NCEH1: variants seen among roughly 807,000 people sequenced by gnomAD.
NCEH1 encodes the protein 2-acetyl MAGE hydrolase.
Under a neutral mutation model 25.4 loss-of-function variants are expected in NCEH1, and 9 were observed. The ratio of observed to expected loss-of-function variants is 0.35; its 90% CI spans 0.21 to 0.62. NCEH1 has a LOEUF of 0.62. NCEH1 is among the 20% of genes least tolerant of loss of function. The pLI, the probability that NCEH1 is intolerant of heterozygous loss-of-function variation, is 0.72. For missense variants in NCEH1, 412 were observed against 501.1 expected (o/e 0.82, Z 1.70); for synonymous variants, 200 against 199.8 (o/e 1.00, Z -0.01).
rs578247286 is a variant in NCEH1 at position 172,665,742 on chromosome 3, G to C, written c.139-17628C>G. 2.6e-5 allele frequency among the ~76,000 whole-genome samples: 4 copies of C among 152,330 alleles called. No individual in the cohort carries two copies. The South Asian group carries it at 8.3e-4, about 32-fold the overall frequency. On this transcript the variant is annotated intron_variant, in intron 1 of 4. Transcript: ENST00000475381. ...CTGCCTCGCAGTTTGATCTTGGACT[G>C]CTGTGCTAGCAGTGAGCAAGGCTCC... is the stretch of plus-strand genomic sequence containing the variant.
At chr3:172,674,649 T>C (rs895661356) in intron 1 of NCEH1, among the ~76,000 whole-genome samples, 2 of 152,104 alleles carry the variant, frequency 1.3e-5, no homozygotes, top group African/African-American at 4.8e-5. Flanking sequence ...CAGAGGGAAA[T>C]GTTATATCTT....
chr3:172,672,533 A>G (rs934102306), intron 1 of NCEH1, among the ~76,000 whole-genome samples: 8 of 152,138 alleles, frequency 5.3e-5, no homozygotes, highest in Non-Finnish European at 1.2e-4. Flanking sequence ...TTATCCCCTG[A>G]TTCAGTGGAG....
At chr3:172,666,595 T>C (rs542998378) in intron 1 of NCEH1, among the ~76,000 whole-genome samples, 1 of 152,336 alleles carries the variant, frequency 6.6e-6, no homozygotes, top group African/African-American at 2.4e-5. Context: ...TTATCTAAAC[T>C]GGTGCGAGAC....
intron 1 of NCEH1, among the ~76,000 whole-genome samples, chr3:172,676,867 T>C (rs894991904): frequency 7.9e-5 from 12 of 152,066 alleles, no homozygotes; most frequent in African/African-American, 2.7e-4. Context: ...AAAAATTAAG[T>C]TTATACTCAC....
At chr3:172,681,885 T>A (rs1200829831) in intron 1 of NCEH1, among the ~76,000 whole-genome samples, 1 of 150,316 alleles carries the variant, frequency 6.7e-6, no homozygotes, top group Non-Finnish European at 1.5e-5. Flanking sequence ...CACTCCAGCC[T>A]GGGCGACAGA....
At chr3:172,689,378 C>T (rs1712895745) in intron 1 of NCEH1, among the ~76,000 whole-genome samples, 1 of 150,812 alleles carries the variant, frequency 6.6e-6, no homozygotes, top group South Asian at 2.1e-4. Context: ...CCTGCCTCAG[C>T]CTCCCAAGTA....
intron 2 of NCEH1, 155 bp downstream of exon 2, chr3:172,647,731 C>A (rs10804847): frequency 0.24 from 219,979 of 933,822 alleles, 28,364 homozygotes; most frequent in East Asian, 0.39. Context: ...GGGCACTAGT[C>A]ATAATTTTGC....
At chr3:172,690,130 C>T (rs1712955287) in intron 1 of NCEH1, among the ~76,000 whole-genome samples, 1 of 152,036 alleles carries the variant, frequency 6.6e-6, no homozygotes, top group African/African-American at 2.4e-5. Context: ...GTCTCAATCT[C>T]CTCACCTCGT....
At chr3:172,684,983 C>A (rs1560201903) in intron 1 of NCEH1, among the ~76,000 whole-genome samples, 1 of 145,884 alleles carries the variant, frequency 6.9e-6, no homozygotes, top group South Asian at 2.1e-4. Flanking sequence ...CCATCCCCCA[C>A]TCCCATCCCC....
chr3:172,684,084 T>C (rs963212028), intron 1 of NCEH1, among the ~76,000 whole-genome samples: 2 of 152,180 alleles, frequency 1.3e-5, no homozygotes, highest in African/African-American at 4.8e-5. Context: ...ATTTACATGG[T>C]CAATTGTTCT....
intron 1 of NCEH1, 143 bp from the exon 2 acceptor site, chr3:172,648,257 A>C (rs1717219266): frequency 1.1e-6 from 1 of 919,936 alleles, no homozygotes; most frequent in Non-Finnish European, 1.6e-6. Flanking sequence ...TAATACAAAA[A>C]CCAATTGTAT....
At chr3:172,654,618 G>C (rs556752070) in intron 1 of NCEH1, among the ~76,000 whole-genome samples, 1 of 152,330 alleles carries the variant, frequency 6.6e-6, no homozygotes, top group Non-Finnish European at 1.5e-5. Flanking sequence ...CATATTGAAG[G>C]GGAAGGAGGC....
chr3:172,668,939 C>T (rs879261666), intron 1 of NCEH1, among the ~76,000 whole-genome samples: 64 of 151,924 alleles, frequency 4.2e-4, no homozygotes, highest in Admixed American at 7.9e-4. Flanking sequence ...AAAAACATAG[C>T]GACTCCTGTA....
intron 1 of NCEH1, chr3:172,681,243 G>T (rs192607070): frequency 6.6e-6 from 1 of 151,634 alleles, no homozygotes; most frequent in Admixed American, 6.6e-5. Context: ...AGAAACTGAA[G>T]AGAAAGATCA....
At chr3:172,640,191 C>T (rs995777280) in intron 3 of NCEH1, among the ~76,000 whole-genome samples, 3 of 152,212 alleles carry the variant, frequency 2.0e-5, no homozygotes, top group Non-Finnish European at 2.9e-5. Flanking sequence ...ATACTCCTAT[C>T]AGATTCAGCA....
intron 1 of NCEH1, among the ~76,000 whole-genome samples, chr3:172,681,852 A>G (rs1712397079): frequency 6.6e-6 from 1 of 151,654 alleles, no homozygotes; most frequent in Admixed American, 6.6e-5. Flanking sequence ...CAGAGGTTGT[A>G]GTGAGGTGAG....
At chr3:172,690,393 T>G (rs920021476) in intron 1 of NCEH1, among the ~76,000 whole-genome samples, 2 of 152,234 alleles carry the variant, frequency 1.3e-5, no homozygotes, top group Non-Finnish European at 2.9e-5. Context: ...GGTAACCATT[T>G]AAGCCACTGA....
At chr3:172,673,304 C>T (rs1156688537) in intron 1 of NCEH1, among the ~76,000 whole-genome samples, 1 of 152,182 alleles carries the variant, frequency 6.6e-6, no homozygotes, top group Non-Finnish European at 1.5e-5. Flanking sequence ...TTACACCCCA[C>T]ATAATGTGGC....
rs529757100 is a variant in NCEH1, at chr3:172,637,577, A to AC, written c.438-1491dup. Reference sequence around the variant, plus strand: ...AGACCAGCCTGGCCAACATGGTGAAACCCCATCTCTACTAAAAATACAAAA... The same window carrying AC: ...AGACCAGCCTGGCCAACATGGTGAAACCCCCATCTCTACTAAAAATACAAAA... On this transcript the variant is annotated intron_variant, in intron 3 of 4. Coordinates refer to ENST00000475381, the MANE Select transcript of NCEH1 (RefSeq NM_020792.6). Among the ~76,000 whole-genome samples the AC allele has an allele frequency of 5.9e-5, 9 of 151,758 alleles. No homozygotes were observed. In the East Asian group the frequency reaches 1.7e-3, roughly 29 times the overall value.
Sources: gnomAD v4.1 joint callset for allele counts (sites outside exome capture counted in the v4.1 genomes callset) on GRCh38, gnomAD v4.1.1 for gene constraint, MANE v1.5 for transcripts, NCBI Gene and HGNC (gene_info 2026-07-23, HGNC 2026-07-21) for gene names.